PEX10: variants seen among roughly 807,000 people sequenced by gnomAD.
PEX10 encodes the protein peroxisomal biogenesis factor 10.
In PEX10, 32 loss-of-function variants were observed where a neutral mutation model predicts 38.0. The ratio of observed to expected loss-of-function variants is 0.84; its 90% CI spans 0.63 to 1.13. The LOEUF is 1.13. PEX10 is among the 50% of genes most tolerant of loss of function. PEX10 has a pLI of 0.00. For missense variants in PEX10, 483 were observed against 457.7 expected (o/e 1.06, Z -0.51); for synonymous variants, 206 against 207.3 (o/e 0.99, Z 0.05).
upstream of PEX10, among the ~76,000 whole-genome samples, chr1:2,412,774 G>T (rs1643306557): frequency 6.6e-6 from 1 of 151,850 alleles, no homozygotes; most frequent in Non-Finnish European, 1.5e-5. Flanking sequence ...GAGCCGAGGT[G>T]GGGGCGGGGC....
Position 2,410,642 on chromosome 1 carries a change from T to C in PEX10, c.113-191A>G, listed in dbSNP as rs1398585699. ...CACCTTGACTTGCCTTAGCGTGAGCTGCAGACAGTCTGCGAAGAATCTCCC... is the reference window on the plus strand; with the variant it reads ...CACCTTGACTTGCCTTAGCGTGAGCCGCAGACAGTCTGCGAAGAATCTCCC... On this transcript the variant is annotated intron_variant, in intron 1 of 5. Transcript: ENST00000447513. The surrounding 1 kb of genome is among the most constrained non-coding windows in gnomAD (Gnocchi z 5.1). 3.1e-6 allele frequency: 2 copies of C among 647,818 alleles called. No homozygotes were observed. The highest frequency in any genetic ancestry group is 5.7e-6 in the Non-Finnish European group (2 of 351,498). The allele number at this position is 647,818 out of a possible 1,614,324, so 40.1% of individuals were successfully genotyped here. A position where few individuals can be genotyped will look rare whatever the true frequency, so the allele number is the denominator to read the frequency against.
chr1:2,412,419 C>A lies in PEX10; in HGVS notation c.84G>T (p.Ala28=). The change falls in exon 1 of 6, where the codon GCG becomes GCT. Residue 28 remains alanine, a synonymous_variant. Coordinates refer to ENST00000447513, the MANE Select transcript of PEX10 (RefSeq NM_002617.4). ...DEYYRGGLRS[A]AGGALHSLAG... is the part of the protein sequence containing the mutation. The stretch of plus-strand genomic sequence containing the variant: ...CCAGGCTGTGCAGGGCGCCGCCCGC[C>A]GCGCTCCGCAGCCCACCGCGGTAGT... The A allele has an allele frequency of 2.1e-6, 3 of 1,414,376 alleles. No homozygotes were observed. In the South Asian group the frequency reaches 4.4e-5, roughly 21 times the overall value. The allele number at this position is 1,414,376 out of a possible 1,614,324, so 87.6% of individuals were successfully genotyped here.
At position 2,406,931 on chromosome 1, in the gene PEX10, T is replaced by A. The variant is rs891345902; in HGVS notation, c.601-36A>T. 3 of 1,596,864 alleles carry A rather than the reference T, an allele frequency of 1.9e-6. No homozygotes were observed. Among genetic ancestry groups the A allele is most frequent in the East Asian group, 2.3e-5 (1 of 43,826 alleles). Reference sequence around the variant, plus strand: ...GATGGCGCCACACTCATCAGGACCCTGAGGGGATCTGGCCTCAGCGCCTGC... The same window carrying A: ...GATGGCGCCACACTCATCAGGACCCAGAGGGGATCTGGCCTCAGCGCCTGC... On this transcript the variant is annotated intron_variant, in intron 3 of 5. Coordinates refer to ENST00000447513, the MANE Select transcript of PEX10 (RefSeq NM_002617.4).
Position 2,406,460 on chromosome 1 carries a change from G to A in PEX10, c.912+24C>T, listed in dbSNP as rs1334555907. 5 of 1,608,680 alleles carry A rather than the reference G, an allele frequency of 3.1e-6. No homozygotes were observed. In the African/African-American group the frequency reaches 6.7e-5, roughly 21 times the overall value. ...CCGGCACAGCCGCTGACCACCCCAG[G>A]ACGGCAGCAGGCTCCCACCTCACCT... On this transcript the variant is annotated intron_variant, in intron 5 of 5. Transcript: ENST00000447513.
chr1:2,407,096 C>G, intron 3 of PEX10: 1 of 722,288 alleles, frequency 1.4e-6, no homozygotes, highest in South Asian at 1.6e-5. Flanking sequence ...CCTAGCATGA[C>G]GGAGAGGCCT....
chr1:2,412,746 G>C (rs1238290384), upstream of PEX10, among the ~76,000 whole-genome samples: 1 of 151,414 alleles, frequency 6.6e-6, no homozygotes, highest in Non-Finnish European at 1.5e-5. Context: ...GGGCGGAGCG[G>C]AGCGGGGCGG....
intron 3 of PEX10, among the ~76,000 whole-genome samples, chr1:2,407,288 G>A (rs776619119): frequency 2.7e-4 from 41 of 152,234 alleles, no homozygotes; most frequent in Non-Finnish European, 7.3e-5. Flanking sequence ...AAGCCCCAGT[G>A]TAACAAGGCA....
chr1:2,407,472 C>T (rs956399344), intron 3 of PEX10, among the ~76,000 whole-genome samples: 2 of 152,234 alleles, frequency 1.3e-5, no homozygotes, highest in African/African-American at 4.8e-5. Context: ...ACAGAGGTGG[C>T]AGGTCACACC....
intron 3 of PEX10, 185 bp from the exon 4 acceptor site, chr1:2,407,080 TCGTA>T: frequency 1.3e-6 from 1 of 783,512 alleles, no homozygotes. Flanking sequence ...GGTGCCTGCT[TCGTA>T]GCCTAGCATG....
At chr1:2,407,607 T>C (rs1006990075) in intron 3 of PEX10, among the ~76,000 whole-genome samples, 1 of 152,138 alleles carries the variant, frequency 6.6e-6, no homozygotes, top group African/African-American at 2.4e-5. Context: ...CTCACCAACA[T>C]GGACGGGGCA....
chr1:2,410,218 C>T lies in PEX10; in HGVS notation c.193+153G>A. ...CCTGCTGGGAGCAGATGCCTCGCCT[C>T]CCTCGGAGCAGTACCTCCTGCACTT... On this transcript the variant is annotated intron_variant, in intron 2 of 5. Transcript: ENST00000447513. The surrounding 1 kb of genome is among the most constrained non-coding windows in gnomAD (Gnocchi z 5.1). The T allele has an allele frequency of 1.4e-6, 1 of 701,370 alleles. No individual in the cohort carries two copies. The allele number at this position is 701,370 out of a possible 1,614,324, so 43.4% of individuals were successfully genotyped here.
chr1:2,411,228 G>A (rs993158821), intron 1 of PEX10, among the ~76,000 whole-genome samples: 2 of 138,014 alleles, frequency 1.4e-5, no homozygotes, highest in African/African-American at 5.5e-5. Context: ...TGATGGCTTT[G>A]CCTTTTTTTT....
chr1:2,410,843 C>T lies in PEX10; in HGVS notation c.113-392G>A, dbSNP rs1414639732. ...GAGGTCTTTCTGGAATCTCAATTTGCTCATCTATCAGAAGAGTAATAAGTC... is the reference window on the plus strand; with the variant it reads ...GAGGTCTTTCTGGAATCTCAATTTGTTCATCTATCAGAAGAGTAATAAGTC... On this transcript the variant is annotated intron_variant, in intron 1 of 5. Coordinates refer to ENST00000447513, the MANE Select transcript of PEX10 (RefSeq NM_002617.4). The surrounding 1 kb of genome is among the most constrained non-coding windows in gnomAD (Gnocchi z 5.1). 4 of 461,390 alleles carry T rather than the reference C, an allele frequency of 8.7e-6. No homozygotes were observed. Among genetic ancestry groups the T allele is most frequent in the Non-Finnish European group, 1.7e-5 (4 of 230,494 alleles). The allele number at this position is 461,390 out of a possible 1,614,324, so 28.6% of individuals were successfully genotyped here.
intron 3 of PEX10, among the ~76,000 whole-genome samples, chr1:2,407,407 C>T (rs1643046794): frequency 6.6e-6 from 1 of 152,244 alleles, no homozygotes; most frequent in Admixed American, 6.5e-5. Flanking sequence ...TCACTTTCCA[C>T]TGGCTGGGAA....
rs35426403 is a variant in PEX10 at position 2,408,720 on chromosome 1, A to G, written c.332T>C (p.Leu111Pro). 9.5e-4 allele frequency: 1,533 copies of G among 1,613,574 alleles called. 16 individuals are homozygous for G. In the African/African-American group the frequency reaches 0.018, roughly 19 times the overall value. Reference protein sequence around the residue: ...VLPYLLDKALLPLEQELQADP... With the variant: ...VLPYLLDKALPPLEQELQADP... ...AGCCTGCAGCTCCTGCTCCAGGGGGAGCAGGGCCTTGTCCAGCAGGTAGGG... is the reference window on the plus strand; with the variant it reads ...AGCCTGCAGCTCCTGCTCCAGGGGGGGCAGGGCCTTGTCCAGCAGGTAGGG... The change falls in exon 3 of 6, where the codon CTC (leucine) becomes CCC (proline). Residue 111 changes from leucine (L) to proline (P), a missense_variant. Transcript: ENST00000447513.
chr1:2,412,674 G>A (rs1643295336), upstream of PEX10: 1 of 430,468 alleles, frequency 2.3e-6, no homozygotes, highest in Non-Finnish European at 3.8e-6. Flanking sequence ...GGGCGGAAGC[G>A]GGGCTGGAGT....
At position 2,408,703 on chromosome 1, in the gene PEX10, G is replaced by A; in HGVS notation, c.349C>T (p.Leu117=). ...CGCCCACTGTCGGGGTCAGCCTGCA[G>A]CTCCTGCTCCAGGGGGAGCAGGGCC... ...DKALLPLEQE[L]QADPDSGRPL... The change falls in exon 3 of 6, where the codon CTG becomes TTG. Residue 117 remains leucine (L), a synonymous_variant. Transcript: ENST00000447513. 1.2e-6 allele frequency: 2 copies of A among 1,613,538 alleles called. No homozygotes were observed. The highest frequency in any genetic ancestry group is 1.7e-6 in the Non-Finnish European group (2 of 1,179,834).
chr1:2,409,677 C>A lies in PEX10; in HGVS notation c.193+694G>T, dbSNP rs143794576. On this transcript the variant is annotated intron_variant, in intron 2 of 5. Coordinates refer to ENST00000447513, the MANE Select transcript of PEX10 (RefSeq NM_002617.4). This position sits in a 1 kb window ranked among gnomAD's most constrained non-coding sequence, Gnocchi z 6.2. ...GAAAGCTATGGGCTTACAAAACTCA[C>A]GAGCCCCCCGGGGTCATTCTCCCAA... 6.5e-6 allele frequency: 1 copy of A among 154,570 alleles called. No homozygotes were observed. Among genetic ancestry groups the A allele is most frequent in the Admixed American group, 6.3e-5 (1 of 15,796 alleles). 9.6% of individuals were successfully genotyped at this position (154,570 alleles called of 1,614,324 possible). A position where few individuals can be genotyped will look rare whatever the true frequency, so the allele number is the denominator to read the frequency against.
intron 3 of PEX10, among the ~76,000 whole-genome samples, chr1:2,408,207 G>A (rs1188227332): frequency 6.6e-6 from 1 of 152,172 alleles, no homozygotes; most frequent in African/African-American, 2.4e-5. Flanking sequence ...GTCCATGAGG[G>A]GCTGCAGCAG....
Sources: allele counts gnomAD v4.1 joint callset (sites outside exome capture counted in the v4.1 genomes callset), GRCh38; gene constraint gnomAD v4.1.1; non-coding constraint Gnocchi (gnomAD v3.1); transcripts MANE v1.5; gene names NCBI Gene and HGNC (gene_info 2026-07-23, HGNC 2026-07-21).